ZBTB44: variants seen among roughly 807,000 people sequenced by gnomAD.
The protein encoded by ZBTB44 is zinc finger and BTB domain-containing protein 44.
A neutral mutation model predicts 54.0 loss-of-function variants in ZBTB44; 15 were observed. The ratio of observed to expected loss-of-function variants is 0.28; its 90% confidence interval spans 0.19 to 0.43. ZBTB44 has a LOEUF of 0.43. ZBTB44 is among the 20% of genes least tolerant of loss of function. The probability of loss-of-function intolerance (pLI) is 1.00; values close to 1 mark genes in which losing one functional copy is unlikely to be tolerated. For synonymous variants in ZBTB44, 230 were observed against 250.1 expected (o/e 0.92, Z 0.76); for missense variants, 487 against 707.1 (o/e 0.69, Z 3.53).
chr11:130,238,799 T>G (rs1954227309), intron 3 of ZBTB44, 192 bp from the exon 4 acceptor site: 2 of 616,318 alleles, frequency 3.2e-6, no homozygotes, highest in Non-Finnish European at 2.5e-6. Context: ...TTTTGTTTTT[T>G]TTTTTTATTT....
chr11:130,258,123 A>G (rs933886964), intron 2 of ZBTB44, among the ~76,000 whole-genome samples: 1 of 152,260 alleles, frequency 6.6e-6, no homozygotes, highest in African/African-American at 2.4e-5. Flanking sequence ...TATTCTCTAT[A>G]GCACTAAGGA....
rs139026690 is a variant in ZBTB44, at chr11:130,235,814, C to A, written c.1568+979G>T. ...GTCAGGGGTTCGAGATCAGACTGGCCAACATGGTGAAACCCCATCTCTACT... is the reference window on the plus strand; with the variant it reads ...GTCAGGGGTTCGAGATCAGACTGGCAAACATGGTGAAACCCCATCTCTACT... On this transcript the variant is annotated intron_variant, in intron 5 of 7. Coordinates refer to ENST00000357899, the MANE Select transcript of ZBTB44 (RefSeq NM_001301098.2). Among the ~76,000 whole-genome samples, 763 of 152,106 alleles carry A rather than the reference C, an allele frequency of 5.0e-3. 4 individuals are homozygous for A. Among genetic ancestry groups the A allele is most frequent in the Non-Finnish European group, 7.1e-3 (480 of 68,002 alleles).
chr11:130,297,773 A>C (rs1247514114), intron 1 of ZBTB44, among the ~76,000 whole-genome samples: 4 of 152,212 alleles, frequency 2.6e-5, no homozygotes, highest in Admixed American at 2.6e-4. Context: ...CAACTATGAG[A>C]CAAAAATTTC....
chr11:130,262,466 G>C (rs1485268037), intron 1 of ZBTB44, among the ~76,000 whole-genome samples: 1 of 152,100 alleles, frequency 6.6e-6, no homozygotes, highest in Non-Finnish European at 1.5e-5. Context: ...ATGAGCTGCA[G>C]GGCTGCAACA....
chr11:130,287,040 AT>A (rs2134324704), intron 1 of ZBTB44, among the ~76,000 whole-genome samples: 1 of 152,356 alleles, frequency 6.6e-6, no homozygotes, highest in African/African-American at 2.4e-5. Context: ...GTGCTAGACA[AT>A]TCCATCTGAA....
Position 130,278,847 on chromosome 11 carries a change from T to C in ZBTB44, c.-56-16918A>G, listed in dbSNP as rs549052385. On this transcript the variant is annotated intron_variant, in intron 1 of 7. Coordinates refer to ENST00000357899, the MANE Select transcript of ZBTB44 (RefSeq NM_001301098.2). ...CACTATACCCACTTTTACCTCTTTATGCTTTTTCTCTAGTTCTGTGAACAC... is the reference window on the plus strand; with the variant it reads ...CACTATACCCACTTTTACCTCTTTACGCTTTTTCTCTAGTTCTGTGAACAC... 3.9e-5 allele frequency among the ~76,000 whole-genome samples: 6 copies of C among 152,332 alleles called. No homozygotes were observed. In the East Asian group the frequency reaches 9.6e-4, roughly 24 times the overall value.
At chr11:130,262,500 G>C (rs566619450) in intron 1 of ZBTB44, among the ~76,000 whole-genome samples, 1 of 152,286 alleles carries the variant, frequency 6.6e-6, no homozygotes, top group South Asian at 2.1e-4. Flanking sequence ...GACAATTATA[G>C]AGTGTCTTCT....
At chr11:130,264,915 T>G (rs1291955179) in intron 1 of ZBTB44, among the ~76,000 whole-genome samples, 1 of 152,240 alleles carries the variant, frequency 6.6e-6, no homozygotes, top group Non-Finnish European at 1.5e-5. Context: ...CACATTTGTG[T>G]CACATTTTGG....
chr11:130,261,123 T>A lies in ZBTB44; in HGVS notation c.751A>T (p.Thr251Ser). The A allele has an allele frequency of 6.2e-7, 1 of 1,613,998 alleles. No homozygotes were observed. Among genetic ancestry groups the A allele is most frequent in the Non-Finnish European group, 8.5e-7 (1 of 1,179,890 alleles). ...GGGCCAGGTAATTCTAAAGTCCGGG[T>A]ATTTTCTGCTTGCTTAACTTTCTCA... Reference protein sequence around the residue: ...QPEKVKQAENTRTLELPGPSE... With the variant: ...QPEKVKQAENSRTLELPGPSE... Residue 251 changes from threonine to serine, a missense_variant, in exon 2 of 8, where the codon ACC becomes TCC. Physicochemically the swap from Thr to Ser is moderately conservative, Grantham distance 58. This residue lies in a region of ZBTB44 where 277 missense variants were observed against 306.5 expected (regional missense o/e 0.90). Transcript: ENST00000357899. The surrounding 1 kb of genome is among the most constrained non-coding windows in gnomAD (Gnocchi z 4.8).
Position 130,231,078 on chromosome 11 carries a change from A to G in ZBTB44, c.*686T>C, listed in dbSNP as rs1011813687. 2.0e-5 allele frequency: 3 copies of G among 152,120 alleles called. No homozygotes were observed. Among genetic ancestry groups the G allele is most frequent in the African/African-American group, 7.2e-5 (3 of 41,436 alleles). 9.4% of individuals were successfully genotyped at this position (152,120 alleles called of 1,614,324 possible). On this transcript the variant is annotated 3_prime_UTR_variant, in exon 8 of 8. Coordinates refer to ENST00000357899, the MANE Select transcript of ZBTB44 (RefSeq NM_001301098.2). ...AACTGGAATATTTATGTTTAGTTACACTGGTAATTTCTAATGAATGGGATA... is the reference window on the plus strand; with the variant it reads ...AACTGGAATATTTATGTTTAGTTACGCTGGTAATTTCTAATGAATGGGATA...
chr11:130,296,505 G>A, intron 1 of ZBTB44: 1 of 927,876 alleles, frequency 1.1e-6, no homozygotes, highest in South Asian at 1.5e-5. Context: ...GTGGTGGCAA[G>A]AGGACTGGAC....
Position 130,239,828 on chromosome 11 carries a change from G to A in ZBTB44, c.1087C>T (p.Pro363Ser), listed in dbSNP as rs1479231462. 3 of 1,612,434 alleles carry A rather than the reference G, an allele frequency of 1.9e-6. No homozygotes were observed. The highest frequency in any genetic ancestry group is 2.5e-6 in the Non-Finnish European group (3 of 1,178,970). Reference sequence around the variant, plus strand: ...AGTACTGACCGATCATCATCATCCGGAGGAGCATTAGTGCTAGACGTGCTT... The same window carrying A: ...AGTACTGACCGATCATCATCATCCGAAGGAGCATTAGTGCTAGACGTGCTT... Reference protein sequence around the residue: ...LQSTSSTNAPPDDDDRLENVQ... With the variant: ...LQSTSSTNAPSDDDDRLENVQ... The change falls in exon 3 of 8, where the codon CCG becomes TCG. Residue 363 changes from proline (P) to serine (S), a missense_variant. By Grantham distance (74) the Pro-to-Ser change is moderately conservative. This residue lies in a region of ZBTB44 where 277 missense variants were observed against 306.5 expected (regional missense o/e 0.90). Transcript: ENST00000357899.
chr11:130,237,652 T>C (rs1047377482), intron 4 of ZBTB44, among the ~76,000 whole-genome samples: 11 of 152,248 alleles, frequency 7.2e-5, no homozygotes, highest in African/African-American at 1.4e-4. Flanking sequence ...AGTGTATTAA[T>C]AGTCTCCTCA....
At chr11:130,306,385 C>G (rs1942265044) in intron 1 of ZBTB44, among the ~76,000 whole-genome samples, 1 of 151,962 alleles carries the variant, frequency 6.6e-6, no homozygotes, top group South Asian at 2.1e-4. Flanking sequence ...GCCTGTAATC[C>G]CAGCTACTTG....
At chr11:130,269,922 G>C (rs958726864) in intron 1 of ZBTB44, among the ~76,000 whole-genome samples, 6 of 152,130 alleles carry the variant, frequency 3.9e-5, no homozygotes, top group African/African-American at 1.2e-4. Context: ...ACTAGAAAAA[G>C]TGTGAACAAA....
chr11:130,257,833 G>A (rs775709768), intron 2 of ZBTB44, among the ~76,000 whole-genome samples: 93 of 152,108 alleles, frequency 6.1e-4, no homozygotes, highest in Admixed American at 1.0e-3. Flanking sequence ...CTGAATATAG[G>A]TATTCCCCAA....
rs183119405 is a variant in ZBTB44 at position 130,282,093 on chromosome 11, T to C, written c.-56-20164A>G. On this transcript the variant is annotated intron_variant, in intron 1 of 7. Coordinates refer to ENST00000357899, the MANE Select transcript of ZBTB44 (RefSeq NM_001301098.2). ...ACCCTATTATAAACTAAAGCCTACATCATCTAAGTTACTTAATAAGCAGCA... is the reference window on the plus strand; with the variant it reads ...ACCCTATTATAAACTAAAGCCTACACCATCTAAGTTACTTAATAAGCAGCA... Among the ~76,000 whole-genome samples, 432 of 152,258 alleles carry C rather than the reference T, an allele frequency of 2.8e-3. 1 individual carries two copies. Among genetic ancestry groups the C allele is most frequent in the Non-Finnish European group, 4.4e-3 (298 of 67,998 alleles).
rs112102936 is a variant in ZBTB44 at position 130,271,255 on chromosome 11, A to T, written c.-56-9326T>A. 8.9e-3 allele frequency among the ~76,000 whole-genome samples: 1,359 copies of T among 152,342 alleles called. 24 individuals are homozygous for T. The highest frequency in any genetic ancestry group is 0.029 in the African/African-American group (1,226 of 41,576). ...TGAATTTCACATTAAAAGCATCAGT[A>T]TGAAATGATAATGTACTTAATCTCT... On this transcript the variant is annotated intron_variant, in intron 1 of 7. Coordinates refer to ENST00000357899, the MANE Select transcript of ZBTB44 (RefSeq NM_001301098.2).
Position 130,284,030 on chromosome 11 carries a change from G to A in ZBTB44, c.-56-22101C>T, listed in dbSNP as rs114878049. On this transcript the variant is annotated intron_variant, in intron 1 of 7. Transcript: ENST00000357899. ...CAGCTGGGCACGGTGGCTCATGCCT[G>A]TAATCCAAGCACATATGGGAGGCTG... 8.8e-3 allele frequency among the ~76,000 whole-genome samples: 1,253 copies of A among 141,948 alleles called. 17 individuals are homozygous for A. The highest frequency in any genetic ancestry group is 0.031 in the African/African-American group (1,170 of 37,824). 93.1% of individuals were successfully genotyped at this position (141,948 alleles called of 152,430 possible).
Sources: gnomAD v4.1 joint callset for allele counts (sites outside exome capture counted in the v4.1 genomes callset) on GRCh38, gnomAD v4.1.1 for gene constraint, gnomAD v4.1.1 regional missense constraint, Gnocchi (gnomAD v3.1) non-coding constraint, MANE v1.5 for transcripts, NCBI Gene and HGNC (gene_info 2026-07-23, HGNC 2026-07-21) for gene names.